Variants in CEP192 observed in about 807,000 individuals in gnomAD.
The protein encoded by CEP192 is centrosomal protein 192.
Under a neutral mutation model 271.8 loss-of-function variants are expected in CEP192, and 151 were observed. The observed-to-expected ratio is 0.56, with a 90% CI of 0.49 to 0.64. CEP192 has a LOEUF of 0.64. Among genes scored for constraint, CEP192 ranks in the 30% least tolerant of loss-of-function variants. CEP192 has a pLI of 0.00. For synonymous variants in CEP192, 995 were observed against 1,076.5 expected (o/e 0.92, Z 1.48); for missense variants, 2,910 against 3,020.5 (o/e 0.96, Z 0.86).
At chr18:13,002,689 T>C (rs2033727256) in intron 3 of CEP192, among the ~76,000 whole-genome samples, 1 of 152,210 alleles carries the variant, frequency 6.6e-6, no homozygotes, top group Non-Finnish European at 1.5e-5. Context: ...CAGGTAAAAA[T>C]AATTTATATA....
intron 36 of CEP192, among the ~76,000 whole-genome samples, chr18:13,098,012 A>C (rs562081121): frequency 6.6e-6 from 1 of 152,164 alleles, no homozygotes; most frequent in Non-Finnish European, 1.5e-5. Context: ...TTCTTAGTAC[A>C]GAACAAAATG....
chr18:13,092,251 C>G, intron 33 of CEP192, 126 bp from the exon 34 acceptor site: 1 of 621,176 alleles, frequency 1.6e-6, no homozygotes, highest in Non-Finnish European at 2.6e-6. Flanking sequence ...TACTGCTAAT[C>G]CAAATGTCAC....
rs2034584714 is a variant in CEP192 at position 13,015,373 on chromosome 18, A to T, written c.565A>T (p.Lys189Ter). The change falls in exon 6 of 45, where the codon AAG becomes TAG. Residue 189 changes from lysine to a stop codon, truncating the protein, a stop_gained. Coordinates refer to ENST00000506447, the MANE Select transcript of CEP192 (RefSeq NM_032142.4). LOFTEE classifies it high-confidence loss of function. ...AGKHFEDKTL[K>*]SDLSHTSLLE... ...AAAACATTTTGAAGACAAGACTCTA[A>T]AGAGTGACCTAAGCCACACTAGCTT... The T allele has an allele frequency of 6.4e-7, 1 of 1,550,636 alleles. No homozygotes were observed. Among genetic ancestry groups the T allele is most frequent in the African/African-American group, 1.4e-5 (1 of 73,104 alleles).
At position 13,124,724 on chromosome 18, in the gene CEP192, A is replaced by G. The variant is rs764256222; in HGVS notation, c.7568A>G (p.Lys2523Arg). 6.2e-7 allele frequency: 1 copy of G among 1,613,826 alleles called. No homozygotes were observed. Among genetic ancestry groups the G allele is most frequent in the Non-Finnish European group, 8.5e-7 (1 of 1,179,728 alleles). Residue 2523 changes from lysine to arginine, a missense_variant, in exon 45 of 45, where the codon AAG becomes AGG. Coordinates refer to ENST00000506447, the MANE Select transcript of CEP192 (RefSeq NM_032142.4). ...ALLVIQTDEG[K>R]SIAIRLIGEA... Reference sequence around the variant, plus strand: ...CTTGTCATTCAAACAGATGAAGGCAAGAGTATTGCTATTCGACTAATTGGT... The same window carrying G: ...CTTGTCATTCAAACAGATGAAGGCAGGAGTATTGCTATTCGACTAATTGGT...
chr18:13,055,673 GAC>G (rs1404853700), intron 18 of CEP192, 105 bp from the exon 19 acceptor site: 1 of 717,468 alleles, frequency 1.4e-6, no homozygotes, highest in Admixed American at 3.3e-5. Flanking sequence ...TTTTCAAAGA[GAC>G]ACCTCATGCA....
At chr18:13,083,547 C>T (rs986571328) in intron 30 of CEP192, among the ~76,000 whole-genome samples, 1 of 152,134 alleles carries the variant, frequency 6.6e-6, no homozygotes, top group Non-Finnish European at 1.5e-5. Context: ...AGCTTCCTTG[C>T]GATGGGTTCG....
chr18:13,077,378 T>C (rs751818022), intron 30 of CEP192, among the ~76,000 whole-genome samples: 53 of 152,332 alleles, frequency 3.5e-4, no homozygotes, highest in Middle Eastern at 3.4e-3. Context: ...ATTAGGGATG[T>C]TCAGCCAGTA....
At position 13,073,134 on chromosome 18, in the gene CEP192, A is replaced by C. The variant is rs780998721; in HGVS notation, c.5565A>C (p.Arg1855Ser). 17 of 1,612,962 alleles carry C rather than the reference A, an allele frequency of 1.1e-5. No individual in the cohort carries two copies. In the South Asian group the frequency reaches 1.9e-4, roughly 18 times the overall value. ...APTRLSCMLA[R>S]LEIKQLGNRS... ...CTCGATTATCTTGCATGTTGGCTAGACTAGAAATCAAACAACTTGGAAATC... is the reference window on the plus strand; with the variant it reads ...CTCGATTATCTTGCATGTTGGCTAGCCTAGAAATCAAACAACTTGGAAATC... Residue 1855 changes from arginine (R) to serine (S), a missense_variant, in exon 30 of 45, where the codon AGA becomes AGC. Arg to Ser is a moderately radical substitution (Grantham distance 110, BLOSUM62 -1). Transcript: ENST00000506447.
chr18:13,012,629 A>G (rs969554068), intron 4 of CEP192, among the ~76,000 whole-genome samples: 24 of 152,072 alleles, frequency 1.6e-4, no homozygotes, highest in Non-Finnish European at 4.4e-5. Context: ...GAAATACTCT[A>G]GGTCAGTCAC....
At chr18:13,099,714 C>A in intron 37 of CEP192, 133 bp downstream of exon 37, 1 of 553,100 alleles carries the variant, frequency 1.8e-6, no homozygotes, top group Non-Finnish European at 3.2e-6. Context: ...TTGTGGGTTC[C>A]ACTTCCAGGG....
chr18:13,003,118 G>A (rs2033751880), intron 3 of CEP192, among the ~76,000 whole-genome samples: 1 of 152,120 alleles, frequency 6.6e-6, no homozygotes, highest in Non-Finnish European at 1.5e-5. Flanking sequence ...TATTAGGTAG[G>A]CTGAAGGCAG....
At chr18:13,033,624 G>A (rs2035752979) in intron 11 of CEP192, among the ~76,000 whole-genome samples, 1 of 152,194 alleles carries the variant, frequency 6.6e-6, no homozygotes, top group Admixed American at 6.5e-5. Context: ...CTCATTACTT[G>A]CAGCATTGTC....
rs1052406203 is a variant in CEP192, at chr18:13,037,261, A to C, written c.1559A>C (p.Gln520Pro). 1 of 1,343,324 alleles carries C rather than the reference A, an allele frequency of 7.4e-7. No individual in the cohort carries two copies. Among genetic ancestry groups the C allele is most frequent in the African/African-American group, 1.4e-5 (1 of 68,970 alleles). The allele number at this position is 1,343,324 out of a possible 1,614,324, so 83.2% of individuals were successfully genotyped here. A position where few individuals can be genotyped will look rare whatever the true frequency, so the allele number is the denominator to read the frequency against. Residue 520 changes from glutamine to proline, a missense_variant, in exon 12 of 45, where the codon CAA (glutamine) becomes CCA (proline). Gln to Pro is a moderately conservative substitution (Grantham distance 76, BLOSUM62 -1). Coordinates refer to ENST00000506447, the MANE Select transcript of CEP192 (RefSeq NM_032142.4). ...GCTGAAGCATTTGATTTGATTGCAC[A>C]AGATGAAGAAGAATTTAATAAAGAG... is the stretch of plus-strand genomic sequence containing the variant. ...SGSEAFDLIA[Q>P]DEEEFNKEHQ...
chr18:13,033,741 C>A (rs2035759883), intron 11 of CEP192, among the ~76,000 whole-genome samples: 1 of 152,118 alleles, frequency 6.6e-6, no homozygotes, highest in East Asian at 1.9e-4. Context: ...TAAAGGAGCT[C>A]TTTAGTTACT....
intron 40 of CEP192, among the ~76,000 whole-genome samples, chr18:13,110,765 C>CTT (rs1568434585): frequency 6.6e-6 from 1 of 152,224 alleles, no homozygotes; most frequent in African/African-American, 2.4e-5. Flanking sequence ...TGTGGCCAAA[C>CTT]TGACTATCAG....
At position 13,017,325 on chromosome 18, in the gene CEP192, G is replaced by C. The variant is rs894866128; in HGVS notation, c.778G>C (p.Gly260Arg). The C allele has an allele frequency of 1.3e-6, 2 of 1,536,928 alleles. No individual in the cohort carries two copies. The highest frequency in any genetic ancestry group is 2.8e-5 in the African/African-American group (2 of 72,018). ...AAAAGGTTTTAAGTTACCTACAAAT[G>C]GTCTTAGACAGGTGTGTTCCAGTCT... ...PEKGFKLPTN[G>R]LRQANENGSL... Residue 260 changes from glycine (G) to arginine (R), a missense_variant, in exon 7 of 45, where the codon GGT (glycine) becomes CGT (arginine). Transcript: ENST00000506447.
intron 3 of CEP192, among the ~76,000 whole-genome samples, chr18:13,003,648 C>T (rs907993218): frequency 1.7e-4 from 26 of 151,976 alleles, no homozygotes; most frequent in African/African-American, 6.3e-4. Context: ...GACTCTGACT[C>T]AGAGATACGG....
chr18:12,995,655 G>T (rs1392588925), intron 1 of CEP192, among the ~76,000 whole-genome samples: 1 of 152,194 alleles, frequency 6.6e-6, no homozygotes, highest in Non-Finnish European at 1.5e-5. Flanking sequence ...GAGATAACAA[G>T]TGAGTTACAT....
chr18:13,011,939 T>C (rs2145904010), intron 4 of CEP192, among the ~76,000 whole-genome samples: 1 of 152,296 alleles, frequency 6.6e-6, no homozygotes, highest in East Asian at 1.9e-4. Context: ...AAATGTAGTA[T>C]GGCCACATGA....
Sources: allele counts gnomAD v4.1 joint callset (sites outside exome capture counted in the v4.1 genomes callset), GRCh38; gene constraint gnomAD v4.1.1; transcripts MANE v1.5; gene names NCBI Gene and HGNC (gene_info 2026-07-23, HGNC 2026-07-21).